Variants in PEBP4 observed in about 807,000 individuals in gnomAD.
The protein encoded by PEBP4 is phosphatidylethanolamine binding protein 4, also known as phosphatidylethanolamine-binding protein 4.
A neutral mutation model predicts 23.9 loss-of-function variants in PEBP4; 22 were observed. The observed-to-expected ratio is 0.92, with a 90% confidence interval of 0.66 to 1.31. The LOEUF is 1.31. Among genes scored for constraint, PEBP4 ranks in the 40% most tolerant of loss-of-function variants. The probability of loss-of-function intolerance (pLI) is 0.00; values close to 1 mark genes in which losing one functional copy is unlikely to be tolerated. For missense variants in PEBP4, 324 were observed against 281.7 expected, an observed-to-expected ratio of 1.15 and a Z score of -1.07; for synonymous variants, 112 against 99.3, an observed-to-expected ratio of 1.13 and a Z score of -0.76.
intron 3 of PEBP4, chr8:22,895,847 A>G (rs188886346): frequency 6.6e-6 from 1 of 152,360 alleles, no homozygotes; most frequent in East Asian, 1.9e-4. Context: ...TAACCTGACT[A>G]GTTTTCCAAG....
At chr8:22,751,096 C>A (rs1446299204) in intron 4 of PEBP4, among the ~76,000 whole-genome samples, 1 of 152,188 alleles carries the variant, frequency 6.6e-6, no homozygotes, top group Admixed American at 6.5e-5. Context: ...TTGTCTGAAA[C>A]TTGTGGTAAG....
At chr8:22,840,380 T>C (rs2128765522) in intron 3 of PEBP4, among the ~76,000 whole-genome samples, 1 of 152,010 alleles carries the variant, frequency 6.6e-6, no homozygotes, top group East Asian at 1.9e-4. Flanking sequence ...TTCTTTTCTT[T>C]TCTTAAAAAA....
chr8:22,829,141 C>T (rs1293729890), intron 3 of PEBP4, among the ~76,000 whole-genome samples: 9 of 152,180 alleles, frequency 5.9e-5, no homozygotes, highest in African/African-American at 9.7e-5. Flanking sequence ...AACCTGAATT[C>T]CCTTGTCCTC....
At chr8:22,918,672 C>A (rs1293417969) in intron 3 of PEBP4, among the ~76,000 whole-genome samples, 1 of 152,178 alleles carries the variant, frequency 6.6e-6, no homozygotes, top group Non-Finnish European at 1.5e-5. Context: ...ATCCGACTGA[C>A]CCTCACTACA....
intron 3 of PEBP4, among the ~76,000 whole-genome samples, chr8:22,844,911 A>C (rs751983110): frequency 1.3e-5 from 2 of 152,162 alleles, no homozygotes; most frequent in Non-Finnish European, 2.9e-5. Context: ...TGGCACAAGG[A>C]AAGGTGGGCC....
At chr8:22,909,835 G>A (rs1808899075) in intron 3 of PEBP4, among the ~76,000 whole-genome samples, 3 of 152,354 alleles carry the variant, frequency 2.0e-5, no homozygotes, top group Middle Eastern at 3.4e-3. Flanking sequence ...GCTTAAGTCT[G>A]ATACTGTTCA....
At chr8:22,754,324 A>T (rs1805330984) in intron 4 of PEBP4, among the ~76,000 whole-genome samples, 1 of 152,234 alleles carries the variant, frequency 6.6e-6, no homozygotes. Flanking sequence ...TATTAAGATC[A>T]GAGACCTTGT....
intron 4 of PEBP4, 138 bp downstream of exon 4, chr8:22,817,499 G>T (rs1437742737): frequency 2.6e-6 from 2 of 774,026 alleles, no homozygotes; most frequent in East Asian, 5.1e-5. Context: ...GGAGGGCTTT[G>T]ATAGCTGAGC....
At chr8:22,901,276 C>G (rs1415322883) in intron 3 of PEBP4, among the ~76,000 whole-genome samples, 1 of 152,162 alleles carries the variant, frequency 6.6e-6, no homozygotes, top group Non-Finnish European at 1.5e-5. Flanking sequence ...CAAGCGAAGA[C>G]AGTGACACGA....
intron 6 of PEBP4, among the ~76,000 whole-genome samples, chr8:22,717,636 G>T (rs973547997): frequency 1.3e-5 from 2 of 152,196 alleles, no homozygotes; most frequent in African/African-American, 2.4e-5. Flanking sequence ...TCCCAGGGCG[G>T]TCTCTGTAAG....
At chr8:22,872,095 A>G (rs1808018199) in intron 3 of PEBP4, among the ~76,000 whole-genome samples, 1 of 152,208 alleles carries the variant, frequency 6.6e-6, no homozygotes, top group Admixed American at 6.5e-5. Flanking sequence ...AGTTGCTGTG[A>G]AAGACATTAT....
At chr8:22,766,767 T>G (rs1220547324) in intron 4 of PEBP4, among the ~76,000 whole-genome samples, 2 of 152,228 alleles carry the variant, frequency 1.3e-5, no homozygotes, top group African/African-American at 4.8e-5. Context: ...CTGGTGTCAC[T>G]TTTCTCAGCA....
chr8:22,921,417 A>C (rs1274752111), intron 2 of PEBP4, among the ~76,000 whole-genome samples: 1 of 152,140 alleles, frequency 6.6e-6, no homozygotes, highest in African/African-American at 2.4e-5. Context: ...TGAGGATGTA[A>C]TTTGGAGAAT....
intron 3 of PEBP4, among the ~76,000 whole-genome samples, chr8:22,864,020 G>T (rs911500720): frequency 6.6e-6 from 1 of 152,148 alleles, no homozygotes; most frequent in Non-Finnish European, 1.5e-5. Context: ...CCACCAGAAT[G>T]ATCTACTTAA....
intron 2 of PEBP4, among the ~76,000 whole-genome samples, chr8:22,922,826 A>G (rs983293364): frequency 6.6e-6 from 1 of 152,054 alleles, no homozygotes; most frequent in Non-Finnish European, 1.5e-5. Context: ...TCTAATTTCC[A>G]TGTGGAGAGT....
intron 3 of PEBP4, among the ~76,000 whole-genome samples, chr8:22,898,389 CCCAAAAAAAAAAAAAAAAAAAA>C (rs1808634917): frequency 2.3e-5 from 2 of 86,688 alleles, no homozygotes; most frequent in Admixed American, 2.8e-4. Context: ...AAGACTCCAC[CCCAAAAAAAAAAAAAAAAAAAA>C]AAAAAAAAAA....
intron 4 of PEBP4, among the ~76,000 whole-genome samples, chr8:22,773,534 C>T (rs6557592): frequency 0.22 from 32,833 of 151,974 alleles, 3,685 homozygotes; most frequent in East Asian, 0.31. Flanking sequence ...TCACTGTCTC[C>T]TGGGGGCCTT....
At chr8:22,735,488 G>A (rs1258182046) in intron 4 of PEBP4, among the ~76,000 whole-genome samples, 1 of 152,208 alleles carries the variant, frequency 6.6e-6, no homozygotes, top group Non-Finnish European at 1.5e-5. Context: ...GCCAGAACCA[G>A]CATGTGAGTC....
intron 3 of PEBP4, among the ~76,000 whole-genome samples, chr8:22,829,265 G>A (rs1003531280): frequency 1.3e-5 from 2 of 152,144 alleles, no homozygotes; most frequent in Admixed American, 1.3e-4. Flanking sequence ...CATCACAGAA[G>A]AGGTTGGCCC....
Sources: allele counts gnomAD v4.1 joint callset (sites outside exome capture counted in the v4.1 genomes callset), GRCh38; gene constraint gnomAD v4.1.1; transcripts MANE v1.5; gene names NCBI Gene and HGNC (gene_info 2026-07-23, HGNC 2026-07-21).